VPS50: variants seen among roughly 807,000 people sequenced by gnomAD.
The protein encoded by VPS50 is VPS50 subunit of EARP/GARPII complex.
In VPS50, 70 loss-of-function variants were observed where a neutral mutation model predicts 139.7. The observed-to-expected ratio is 0.50, with a 90% CI of 0.41 to 0.61. VPS50 has a LOEUF of 0.61. Among genes scored for constraint, VPS50 ranks in the 20% least tolerant of loss-of-function variants. VPS50 has a pLI of 0.00. For missense variants in VPS50, 921 were observed against 1,133.7 expected (o/e 0.81, Z 2.69); for synonymous variants, 365 against 376.7 (o/e 0.97, Z 0.36).
intron 5 of VPS50, among the ~76,000 whole-genome samples, chr7:93,257,086 A>G (rs984859260): frequency 6.6e-6 from 1 of 152,086 alleles, no homozygotes; most frequent in Non-Finnish European, 1.5e-5. Flanking sequence ...TTGGGTAGGA[A>G]TTTAAACAGA....
chr7:93,257,203 T>C (rs1490291235), intron 5 of VPS50, among the ~76,000 whole-genome samples, 191 bp from the exon 6 acceptor site: 2 of 152,090 alleles, frequency 1.3e-5, no homozygotes, highest in Non-Finnish European at 2.9e-5. Context: ...GAAAATCAGT[T>C]ACAAGTAGTC....
chr7:93,232,553 G>A, intron 1 of VPS50, 53 bp downstream of exon 1: 3 of 1,486,770 alleles, frequency 2.0e-6, no homozygotes, highest in Admixed American at 1.7e-5. Context: ...AGTGAGAGGA[G>A]CCGAGATGTT....
In VPS50 at chr7:93,264,550, T is replaced by C. The variant is rs141073584; in HGVS notation, c.659+4918T>C. On this transcript the variant is annotated intron_variant, in intron 9 of 27. Transcript: ENST00000305866. ...GTTTGCATACTGCTGAACTAGTTTCTTGAGTACTGTACTTTAACATAAACA... is the reference window on the plus strand; with the variant it reads ...GTTTGCATACTGCTGAACTAGTTTCCTGAGTACTGTACTTTAACATAAACA... Among the ~76,000 whole-genome samples, 437 of 152,364 alleles carry C rather than the reference T, an allele frequency of 2.9e-3. 2 individuals carry two copies. The highest frequency in any genetic ancestry group is 5.2e-3 in the Non-Finnish European group (357 of 68,030).
chr7:93,308,075 T>C (rs549922806), intron 18 of VPS50, among the ~76,000 whole-genome samples: 1 of 152,016 alleles, frequency 6.6e-6, no homozygotes, highest in Admixed American at 6.6e-5. Context: ...TACTTAATGA[T>C]ATTAATGTTA....
Position 93,305,851 on chromosome 7 carries a change from T to C in VPS50, c.1476T>C (p.Ser492=). The change falls in exon 18 of 28, where the codon TCT becomes TCC. Residue 492 remains serine (S), a synonymous_variant. Transcript: ENST00000305866. ...QLHEFKFMEQ[S]RSPSVSPSKQ... ...AGGAATTTAAATTCATGGAACAGTCTCGCTCCCCATCAGTTTCACCTAGTA... is the reference window on the plus strand; with the variant it reads ...AGGAATTTAAATTCATGGAACAGTCCCGCTCCCCATCAGTTTCACCTAGTA... 6.2e-7 allele frequency: 1 copy of C among 1,612,582 alleles called. No homozygotes were observed. Among genetic ancestry groups the C allele is most frequent in the Non-Finnish European group, 8.5e-7 (1 of 1,178,832 alleles).
intron 6 of VPS50, 200 bp from the exon 7 acceptor site, chr7:93,257,959 A>C (rs1795539980): frequency 2.3e-6 from 1 of 431,280 alleles, no homozygotes; most frequent in Non-Finnish European, 4.1e-6. Flanking sequence ...GCAGGTTGTG[A>C]ATTGGCACCA....
intron 23 of VPS50, 130 bp downstream of exon 23, chr7:93,341,705 G>A: frequency 1.8e-6 from 1 of 562,692 alleles, no homozygotes; most frequent in African/African-American, 2.0e-5. Context: ...ATGTTTCTGA[G>A]AAGTATATTC....
intron 23 of VPS50, among the ~76,000 whole-genome samples, chr7:93,345,104 A>G (rs969682782): frequency 1.3e-5 from 2 of 152,200 alleles, no homozygotes; most frequent in South Asian, 4.1e-4. Flanking sequence ...AGAAAAAAAG[A>G]GAGAAGAATC....
chr7:93,318,831 A>C lies in VPS50; in HGVS notation c.1856-4780A>C, dbSNP rs533949435. Among the ~76,000 whole-genome samples the C allele has an allele frequency of 8.0e-4, 122 of 152,346 alleles. 1 individual carries two copies. The highest frequency in any genetic ancestry group is 4.0e-3 in the Admixed American group (61 of 15,312). Reference sequence around the variant, plus strand: ...CACTCTTTTACAAATGACACTGTACAAACAAACAACATCGGTTCTCTTTTC... The same window carrying C: ...CACTCTTTTACAAATGACACTGTACCAACAAACAACATCGGTTCTCTTTTC... On this transcript the variant is annotated intron_variant, in intron 20 of 27. Transcript: ENST00000305866.
At chr7:93,353,549 T>C in intron 25 of VPS50, 91 bp from the exon 26 acceptor site, 1 of 1,393,418 alleles carries the variant, frequency 7.2e-7, no homozygotes, top group Non-Finnish European at 9.8e-7. Context: ...TTCTGAGTCT[T>C]TCTAAATCTT....
At chr7:93,340,351 G>A (rs2117058239) in intron 22 of VPS50, among the ~76,000 whole-genome samples, 1 of 152,318 alleles carries the variant, frequency 6.6e-6, no homozygotes, top group Admixed American at 6.5e-5. Flanking sequence ...TGAGCTGGCA[G>A]TCTTCTGGTA....
chr7:93,279,765 T>A (rs1477562925), intron 12 of VPS50, among the ~76,000 whole-genome samples: 3 of 152,184 alleles, frequency 2.0e-5, no homozygotes, highest in African/African-American at 7.2e-5. Context: ...GAAGGAAGTG[T>A]TTAGTCATAC....
intron 23 of VPS50, 38 bp from the exon 24 acceptor site, chr7:93,348,673 A>G: frequency 7.7e-7 from 1 of 1,304,834 alleles, no homozygotes; most frequent in Non-Finnish European, 1.1e-6. Flanking sequence ...TAAATCCTAC[A>G]CAATTTGTTT....
chr7:93,332,701 A>C (rs1305124818), intron 21 of VPS50, among the ~76,000 whole-genome samples: 4 of 152,204 alleles, frequency 2.6e-5, no homozygotes, highest in African/African-American at 9.7e-5. Flanking sequence ...AAATAGCCCA[A>C]AACTGGAACC....
In VPS50 at chr7:93,258,165, G is replaced by T; in HGVS notation, c.429G>T (p.Leu143Phe). Residue 143 changes from leucine to phenylalanine, a missense_variant, in exon 7 of 28, where the codon TTG becomes TTT. Coordinates refer to ENST00000305866, the MANE Select transcript of VPS50 (RefSeq NM_017667.4). ...TTATTGTTCACTTTTGCAGACACTT[G>T]AATATTGCAAAGGAAGGTTTTACTC... is the stretch of plus-strand genomic sequence containing the variant. ...AVICTNGRRHLNIAKEGFTQA... is the reference protein window; with the variant it reads ...AVICTNGRRHFNIAKEGFTQA... The T allele has an allele frequency of 6.9e-7, 1 of 1,454,392 alleles. No individual in the cohort carries two copies. The highest frequency in any genetic ancestry group is 1.2e-5 in the South Asian group (1 of 86,788). The allele number at this position is 1,454,392 out of a possible 1,614,324, so 90.1% of individuals were successfully genotyped here.
chr7:93,297,077 A>G, intron 15 of VPS50, 68 bp from the exon 16 acceptor site: 13 of 1,516,322 alleles, frequency 8.6e-6, no homozygotes, highest in Non-Finnish European at 1.0e-5. Flanking sequence ...TTGAAGAAAG[A>G]GAAACCACAC....
chr7:93,298,884 A>T (rs1562875172), intron 16 of VPS50, among the ~76,000 whole-genome samples: 1 of 152,106 alleles, frequency 6.6e-6, no homozygotes, highest in Non-Finnish European at 1.5e-5. Flanking sequence ...TTCTTGTCGC[A>T]TTTTTTGCTG....
intron 2 of VPS50, among the ~76,000 whole-genome samples, chr7:93,249,697 TC>T (rs1795261906): frequency 1.3e-5 from 2 of 152,166 alleles, no homozygotes; most frequent in African/African-American, 4.8e-5. Flanking sequence ...TGCCATGTCC[TC>T]ACTTGGGCCT....
intron 12 of VPS50, among the ~76,000 whole-genome samples, chr7:93,284,085 G>A (rs887401036): frequency 6.6e-6 from 1 of 152,114 alleles, no homozygotes; most frequent in African/African-American, 2.4e-5. Context: ...ACTGCTGGAT[G>A]ATTTTTTTAG....
Sources: allele counts gnomAD v4.1 joint callset (sites outside exome capture counted in the v4.1 genomes callset), GRCh38; gene constraint gnomAD v4.1.1; transcripts MANE v1.5; gene names NCBI Gene and HGNC (gene_info 2026-07-23, HGNC 2026-07-21).